RGS7: variants seen among roughly 807,000 people sequenced by gnomAD.
The protein encoded by RGS7 is regulator of G protein signaling 7, also known as regulator of G-protein signaling 7.
In RGS7, 27 loss-of-function variants were observed where a neutral mutation model predicts 81.1. That is an observed-to-expected ratio of 0.33 (90% CI 0.25 to 0.46). The LOEUF (loss-of-function observed/expected upper bound fraction) is 0.46, where lower values mean the gene tolerates loss of function less well. RGS7 is among the 20% of genes least tolerant of loss of function. The pLI is 1.00. For missense variants in RGS7, 396 were observed against 607.4 expected, an observed-to-expected ratio of 0.65 and a Z score of 3.66; for synonymous variants, 208 against 207.7, an observed-to-expected ratio of 1.00 and a Z score of -0.01.
rs1444024946 is a variant in RGS7, at chr1:241,186,534, T to A, written c.79-87772A>T. ...CCATATATATATATATTTTTTTTTT[T>A]TTTTTTTGAGACGGAGTTTTGCTCT... On this transcript the variant is annotated intron_variant, in intron 2 of 18. Coordinates refer to ENST00000440928, the MANE Select transcript of RGS7 (RefSeq NM_001364886.1). The A allele has an allele frequency of 2.6e-4, 106 of 403,630 alleles. 1 individual carries two copies. Among genetic ancestry groups the A allele is most frequent in the Non-Finnish European group, 3.1e-4 (94 of 298,642 alleles). 25.0% of individuals were successfully genotyped at this position (403,630 alleles called of 1,614,324 possible).
At chr1:241,157,454 C>T (rs539362146) in intron 2 of RGS7, among the ~76,000 whole-genome samples, 60 of 152,332 alleles carry the variant, frequency 3.9e-4, no homozygotes, top group Admixed American at 1.2e-3. Context: ...TGTGGTCAAC[C>T]ACCTGCTGCA....
At chr1:241,013,774 A>G (rs1336479038) in intron 3 of RGS7, among the ~76,000 whole-genome samples, 1 of 152,246 alleles carries the variant, frequency 6.6e-6, no homozygotes, top group Non-Finnish European at 1.5e-5. Flanking sequence ...TAAAAGGGGC[A>G]CAATGAGGAC....
intron 3 of RGS7, among the ~76,000 whole-genome samples, chr1:241,033,818 G>A (rs972459812): frequency 6.6e-6 from 1 of 152,000 alleles, no homozygotes; most frequent in African/African-American, 2.4e-5. Flanking sequence ...AATTGCAGTT[G>A]GAATTGCTTG....
intron 3 of RGS7, among the ~76,000 whole-genome samples, chr1:241,073,819 G>A (rs1161225074): frequency 6.6e-6 from 1 of 151,886 alleles, no homozygotes; most frequent in Non-Finnish European, 1.5e-5. Context: ...TTGAATCTCT[G>A]CAATTGTGGC....
At chr1:241,174,827 C>T (rs1437459621) in intron 2 of RGS7, among the ~76,000 whole-genome samples, 2 of 151,020 alleles carry the variant, frequency 1.3e-5, no homozygotes, top group African/African-American at 4.9e-5. Flanking sequence ...AACTATAAAG[C>T]TCCTTTTAGT....
Position 240,981,616 on chromosome 1 carries a change from C to T in RGS7, c.226+1463G>A, listed in dbSNP as rs555409159. On this transcript the variant is annotated intron_variant, in intron 4 of 18. Coordinates refer to ENST00000440928, the MANE Select transcript of RGS7 (RefSeq NM_001364886.1). ...AAATGTGAACTTGGTAAGACTGTAGCTTCCCTTCCTATTAATTATCTCCCC... is the reference window on the plus strand; with the variant it reads ...AAATGTGAACTTGGTAAGACTGTAGTTTCCCTTCCTATTAATTATCTCCCC... Among the ~76,000 whole-genome samples, 6 of 152,224 alleles carry T rather than the reference C, an allele frequency of 3.9e-5. No homozygotes were observed. The South Asian group carries it at 1.2e-3, about 32-fold the overall frequency.
chr1:241,320,257 C>T (rs2081133128), intron 2 of RGS7, among the ~76,000 whole-genome samples: 1 of 152,162 alleles, frequency 6.6e-6, no homozygotes, highest in African/African-American at 2.4e-5. Context: ...CTCTATGTTC[C>T]TCATGTAACT....
intron 9 of RGS7, among the ~76,000 whole-genome samples, chr1:240,860,534 T>C (rs1197893334): frequency 1.3e-5 from 2 of 152,174 alleles, no homozygotes; most frequent in African/African-American, 4.8e-5. Context: ...CAGCTTTCTT[T>C]TGATCACTGT....
chr1:241,130,266 T>A (rs568268712), intron 2 of RGS7, among the ~76,000 whole-genome samples: 1 of 152,078 alleles, frequency 6.6e-6, no homozygotes, highest in Non-Finnish European at 1.5e-5. Flanking sequence ...AAAAATAATA[T>A]ACTTCACCAG....
At chr1:241,028,110 G>A (rs2059884087) in intron 3 of RGS7, among the ~76,000 whole-genome samples, 1 of 152,198 alleles carries the variant, frequency 6.6e-6, no homozygotes, top group African/African-American at 2.4e-5. Context: ...CGGGACAGCA[G>A]AGGACCAAGA....
At chr1:240,841,706 G>A (rs1658036404) in intron 9 of RGS7, among the ~76,000 whole-genome samples, 1 of 152,080 alleles carries the variant, frequency 6.6e-6, no homozygotes, top group South Asian at 2.1e-4. Context: ...ATATTATCTG[G>A]TCTAACTTAG....
At chr1:241,148,570 A>G (rs906114411) in intron 2 of RGS7, among the ~76,000 whole-genome samples, 2 of 152,236 alleles carry the variant, frequency 1.3e-5, no homozygotes, top group African/African-American at 2.4e-5. Flanking sequence ...TGAAATATAA[A>G]TAATGATCAT....
chr1:241,037,556 T>TAAAAATAC (rs1015104190), intron 3 of RGS7, among the ~76,000 whole-genome samples: 3 of 151,784 alleles, frequency 2.0e-5, no homozygotes, highest in Non-Finnish European at 4.4e-5. Context: ...CCATCTCTAC[T>TAAAAATAC]AAAAATACAA....
At chr1:241,183,773 A>G (rs1057454500) in intron 2 of RGS7, among the ~76,000 whole-genome samples, 4 of 152,222 alleles carry the variant, frequency 2.6e-5, no homozygotes, top group African/African-American at 9.6e-5. Flanking sequence ...AATGCACTGT[A>G]GGGCCACATG....
At chr1:240,961,333 C>CCTT (rs10625268) in intron 4 of RGS7, among the ~76,000 whole-genome samples, 147,459 of 152,216 alleles carry the variant, frequency 0.97, 71,504 homozygotes, top group East Asian at 0.99. Flanking sequence ...ATCTCCTCCT[C>CCTT]ATCAGATAAT....
intron 2 of RGS7, among the ~76,000 whole-genome samples, chr1:241,261,465 A>G (rs571632412): frequency 6.7e-6 from 1 of 148,710 alleles, no homozygotes; most frequent in African/African-American, 2.5e-5. Flanking sequence ...ACTAAAAAAT[A>G]AAAAAAAAAG....
intron 2 of RGS7, among the ~76,000 whole-genome samples, chr1:241,295,377 T>C (rs933590269): frequency 7.9e-5 from 12 of 151,486 alleles, no homozygotes; most frequent in Admixed American, 4.6e-4. Context: ...CATTTGAACC[T>C]GAGAGGTGGA....
intron 4 of RGS7, among the ~76,000 whole-genome samples, 177 bp from the exon 5 acceptor site, chr1:240,936,883 A>C (rs1676722992): frequency 6.6e-6 from 1 of 152,102 alleles, no homozygotes; most frequent in South Asian, 2.1e-4. Flanking sequence ...CCCTTCTCCT[A>C]AGCTACCTGC....
rs769475635 is a variant in RGS7 at position 241,183,266 on chromosome 1, G to A, written c.79-84504C>T. 6.6e-5 allele frequency among the ~76,000 whole-genome samples: 10 copies of A among 152,076 alleles called. No homozygotes were observed. The East Asian group carries it at 7.7e-4, about 12-fold the overall frequency. On this transcript the variant is annotated intron_variant, in intron 2 of 18. Coordinates refer to ENST00000440928, the MANE Select transcript of RGS7 (RefSeq NM_001364886.1). ...AATTTCCATTACTAATTGTTTCCCC[G>A]CATAAATGATTGCAGTATGATTTGG...
Sources: gnomAD v4.1 joint callset for allele counts (sites outside exome capture counted in the v4.1 genomes callset) on GRCh38, gnomAD v4.1.1 for gene constraint, MANE v1.5 for transcripts, NCBI Gene and HGNC (gene_info 2026-07-23, HGNC 2026-07-21) for gene names.